SUDS3: variants seen among roughly 807,000 people sequenced by gnomAD.
SUDS3 encodes sin3 histone deacetylase corepressor complex component SDS3.
In SUDS3, 23 loss-of-function variants were observed where a neutral mutation model predicts 53.5. That is an observed-to-expected ratio of 0.43 (90% CI 0.31 to 0.61). The LOEUF (loss-of-function observed/expected upper bound fraction) is 0.61. Ranked by LOEUF, SUDS3 falls within the 20% of genes least tolerant of loss-of-function variation. The probability of loss-of-function intolerance (pLI) is 0.10; values close to 1 mark genes in which losing one functional copy is unlikely to be tolerated. For missense variants in SUDS3, 291 were observed against 405.9 expected, an observed-to-expected ratio of 0.72 and a Z score of 2.43; for synonymous variants, 150 against 148.5, an observed-to-expected ratio of 1.01 and a Z score of -0.08.
intron 6 of SUDS3, among the ~76,000 whole-genome samples, chr12:118,394,256 T>C (rs1049756036): frequency 1.3e-5 from 2 of 152,162 alleles, no homozygotes; most frequent in Admixed American, 6.5e-5. Flanking sequence ...AGATAATGCC[T>C]ATAAGTTGCT....
rs1249906253 is a variant in SUDS3, at chr12:118,400,520, A to G, written c.518-139A>G. 9.5e-6 allele frequency: 7 copies of G among 739,148 alleles called. 1 individual carries two copies. In the African/African-American group the frequency reaches 1.2e-4, roughly 13 times the overall value. 45.8% of individuals were successfully genotyped at this position (739,148 alleles called of 1,614,324 possible). On this transcript the variant is annotated intron_variant, in intron 6 of 11. Transcript: ENST00000543473. ...CTAAAATCTAATGGGGTGTCTGGCT[A>G]CGACCATGTGTAGAACAAACACCCC...
chr12:118,384,491 G>A (rs966639935), intron 3 of SUDS3, among the ~76,000 whole-genome samples: 11 of 152,182 alleles, frequency 7.2e-5, no homozygotes, highest in Admixed American at 2.0e-4. Context: ...ATTGTATTTT[G>A]TCAAATGCTG....
In SUDS3 at chr12:118,376,691, C is replaced by A. The variant is rs750172217; in HGVS notation, c.-1C>A. On this transcript the variant is annotated 5_prime_UTR_variant, in exon 1 of 12. Transcript: ENST00000543473. ...CACGCTCAGCTGCGGTCAGAGGCGA[C>A]ATGAGTGCCGCGGGGCTGCTGGCCC... 1 of 1,503,850 alleles carries A rather than the reference C, an allele frequency of 6.6e-7. No homozygotes were observed. The highest frequency in any genetic ancestry group is 1.2e-5 in the South Asian group (1 of 80,586). The allele number at this position is 1,503,850 out of a possible 1,614,324, so 93.2% of individuals were successfully genotyped here.
chr12:118,382,595 G>T (rs1326145929), intron 2 of SUDS3, among the ~76,000 whole-genome samples: 2 of 151,718 alleles, frequency 1.3e-5, no homozygotes, highest in East Asian at 3.9e-4. Context: ...TTGAATGCCT[G>T]AGCTCAAGCA....
chr12:118,380,796 C>G (rs975283840), intron 2 of SUDS3, among the ~76,000 whole-genome samples: 1 of 152,162 alleles, frequency 6.6e-6, no homozygotes, highest in African/African-American at 2.4e-5. Context: ...CCACCGCCTT[C>G]CGGATTCAAA....
intron 2 of SUDS3, among the ~76,000 whole-genome samples, chr12:118,382,979 T>C (rs2046081350): frequency 6.6e-6 from 1 of 152,086 alleles, no homozygotes; most frequent in Non-Finnish European, 1.5e-5. Flanking sequence ...CCCTTAGTAT[T>C]TGATGATACA....
chr12:118,392,391 T>A (rs756385136), intron 6 of SUDS3, among the ~76,000 whole-genome samples: 8 of 152,202 alleles, frequency 5.3e-5, no homozygotes, highest in Non-Finnish European at 1.2e-4. Flanking sequence ...ATCCTCATGA[T>A]ACACTTAAGA....
At chr12:118,382,247 C>A (rs1219882116) in intron 2 of SUDS3, among the ~76,000 whole-genome samples, 1 of 152,064 alleles carries the variant, frequency 6.6e-6, no homozygotes, top group Non-Finnish European at 1.5e-5. Flanking sequence ...GGGGTTTCAC[C>A]ATGTTGGCCA....
chr12:118,396,258 G>A (rs2046214398), intron 6 of SUDS3, among the ~76,000 whole-genome samples: 1 of 152,074 alleles, frequency 6.6e-6, no homozygotes, highest in Non-Finnish European at 1.5e-5. Context: ...TAAATTTAAA[G>A]TACATTTAAT....
In SUDS3 at chr12:118,398,464, G is replaced by A. The variant is rs2046235379; in HGVS notation, c.518-2195G>A. On this transcript the variant is annotated intron_variant, in intron 6 of 11. Transcript: ENST00000543473. ...TTTTAGGGAGAAGCCTTCACCACTT[G>A]TTTCTGGTGTGTGTGTGTGTGTGTT... 4.0e-5 allele frequency among the ~76,000 whole-genome samples: 6 copies of A among 151,662 alleles called. No homozygotes were observed. In the South Asian group the frequency reaches 8.3e-4, roughly 21 times the overall value.
intron 11 of SUDS3, among the ~76,000 whole-genome samples, chr12:118,411,958 A>G (rs1289884613): frequency 6.6e-6 from 1 of 152,158 alleles, no homozygotes; most frequent in African/African-American, 2.4e-5. Flanking sequence ...AGGGTCTAGC[A>G]CCCAGTAAGT....
intron 3 of SUDS3, among the ~76,000 whole-genome samples, chr12:118,384,952 C>A (rs985053162): frequency 6.6e-5 from 10 of 152,058 alleles, no homozygotes; most frequent in Admixed American, 5.2e-4. Flanking sequence ...GTTTTCTGAT[C>A]TGCAAAATGA....
Position 118,376,849 on chromosome 12 carries a change from C to T in SUDS3, c.142+16C>T, listed in dbSNP as rs766183348. 6.5e-5 allele frequency: 99 copies of T among 1,512,172 alleles called. No homozygotes were observed. Among genetic ancestry groups the T allele is most frequent in the Admixed American group, 1.4e-4 (7 of 48,332 alleles). 93.7% of individuals were successfully genotyped at this position (1,512,172 alleles called of 1,614,324 possible). A position where few individuals can be genotyped will look rare whatever the true frequency, so the allele number is the denominator to read the frequency against. ...TCGGACGAAGGTGAGTCCTGCCGCT[C>T]GCCCGGCCGCCCGGAGCGGAGGTGG... On this transcript the variant is annotated intron_variant, in intron 1 of 11. Transcript: ENST00000543473.
chr12:118,403,561 C>T, intron 10 of SUDS3, 44 bp downstream of exon 10: 1 of 1,499,096 alleles, frequency 6.7e-7, no homozygotes, highest in Non-Finnish European at 9.2e-7. Flanking sequence ...CTCATATGAA[C>T]CACTTGGAAA....
Position 118,380,240 on chromosome 12 carries a change from G to A in SUDS3, c.212+9G>A. 6.3e-7 allele frequency: 1 copy of A among 1,598,746 alleles called. No individual in the cohort carries two copies. Among genetic ancestry groups the A allele is most frequent in the Non-Finnish European group, 8.5e-7 (1 of 1,171,636 alleles). ...GTAGAAATGAAGGAACAGTGAGTAT[G>A]ATATGCCTATGTCTTTTTGGAACAT... On this transcript the variant is annotated intron_variant, in intron 2 of 11. Coordinates refer to ENST00000543473, the MANE Select transcript of SUDS3 (RefSeq NM_022491.3).
At chr12:118,410,596 A>AT (rs1695645211) in intron 10 of SUDS3, among the ~76,000 whole-genome samples, 1 of 143,262 alleles carries the variant, frequency 7.0e-6, no homozygotes, top group Admixed American at 7.2e-5. Context: ...TTATTTATTT[A>AT]TTTATTTATT....
intron 11 of SUDS3, among the ~76,000 whole-genome samples, chr12:118,412,721 C>G (rs530869757): frequency 4.5e-4 from 68 of 152,246 alleles, no homozygotes; most frequent in Middle Eastern, 3.4e-3. Context: ...TATGATACCT[C>G]AAGATTTTTC....
chr12:118,414,562 A>G lies in SUDS3; in HGVS notation c.*129A>G, dbSNP rs2046384341. 1 of 728,352 alleles carries G rather than the reference A, an allele frequency of 1.4e-6. No individual in the cohort carries two copies. Among genetic ancestry groups the G allele is most frequent in the Non-Finnish European group, 2.1e-6 (1 of 467,946 alleles). 45.1% of individuals were successfully genotyped at this position (728,352 alleles called of 1,614,324 possible). The stretch of plus-strand genomic sequence containing the variant: ...CTACTCAGCCTTGGAAATGGAGAGC[A>G]CTGCAGTGAATTCTTTAGGGCACTT... On this transcript the variant is annotated 3_prime_UTR_variant, in exon 12 of 12. Coordinates refer to ENST00000543473, the MANE Select transcript of SUDS3 (RefSeq NM_022491.3).
At chr12:118,404,052 C>T (rs1251798103) in intron 10 of SUDS3, 1 of 152,428 alleles carries the variant, frequency 6.6e-6, no homozygotes, top group Non-Finnish European at 1.5e-5. Context: ...CTTACATGAT[C>T]CAGCTGCAAA....
Sources: gnomAD v4.1 joint callset for allele counts (sites outside exome capture counted in the v4.1 genomes callset) on GRCh38, gnomAD v4.1.1 for gene constraint, MANE v1.5 for transcripts, NCBI Gene and HGNC (gene_info 2026-07-23, HGNC 2026-07-21) for gene names.